PNPT1: variants seen among roughly 807,000 people sequenced by gnomAD.
PNPT1 encodes polyribonucleotide nucleotidyltransferase 1, also known as polyribonucleotide nucleotidyltransferase 1, mitochondrial.
A neutral mutation model predicts 119.5 loss-of-function variants in PNPT1; 53 were observed. The ratio of observed to expected loss-of-function variants is 0.44; its 90% CI spans 0.36 to 0.56. The LOEUF (loss-of-function observed/expected upper bound fraction) is 0.56, where lower values mean the gene tolerates loss of function less well. Among genes scored for constraint, PNPT1 ranks in the 20% least tolerant of loss-of-function variants. The pLI is 0.00. For missense variants in PNPT1, 948 were observed against 938.5 expected (o/e 1.01, Z -0.13); for synonymous variants, 357 against 322.1 (o/e 1.11, Z -1.16).
chr2:55,686,256 T>C (rs1697402593), intron 3 of PNPT1, 114 bp downstream of exon 3: 1 of 894,680 alleles, frequency 1.1e-6, no homozygotes, highest in Admixed American at 3.1e-5. Flanking sequence ...CTAGGAAAAA[T>C]TCTTTGTTGT....
At chr2:55,666,371 T>C (rs1329650888) in intron 13 of PNPT1, among the ~76,000 whole-genome samples, 2 of 152,122 alleles carry the variant, frequency 1.3e-5, no homozygotes, top group Non-Finnish European at 2.9e-5. Context: ...CAATCCTCCC[T>C]CCTGGGCCTC....
intron 13 of PNPT1, among the ~76,000 whole-genome samples, chr2:55,663,246 A>C (rs753830281): frequency 1.3e-5 from 2 of 152,180 alleles, no homozygotes; most frequent in Non-Finnish European, 2.9e-5. Flanking sequence ...ATAAGTGGAA[A>C]TTCTAGAATT....
intron 15 of PNPT1, among the ~76,000 whole-genome samples, chr2:55,658,650 C>T (rs1190585572): frequency 6.6e-6 from 1 of 152,126 alleles, no homozygotes; most frequent in Non-Finnish European, 1.5e-5. Flanking sequence ...TGCACAGCTG[C>T]CCTTTTAAGA....
chr2:55,659,814 T>C (rs565195914), intron 15 of PNPT1, among the ~76,000 whole-genome samples: 35 of 152,284 alleles, frequency 2.3e-4, no homozygotes, highest in Admixed American at 1.2e-3. Flanking sequence ...TAAAATATTA[T>C]TGGTAAAACC....
chr2:55,636,299 T>A lies in PNPT1; in HGVS notation c.2290A>T (p.Asn764Tyr). ...SPATTVVRTL[N>Y]DRSSIVMGEP... Reference sequence around the variant, plus strand: ...CCCATTACAATACTACTTCTGTCATTCAAAGTTCTGACCACGGTTGTAGCT... The same window carrying A: ...CCCATTACAATACTACTTCTGTCATACAAAGTTCTGACCACGGTTGTAGCT... Residue 764 changes from asparagine to tyrosine, a missense_variant, in exon 28 of 28, where the codon AAT becomes TAT. Physicochemically the swap from Asn to Tyr is moderately radical, Grantham distance 143. Coordinates refer to ENST00000447944, the MANE Select transcript of PNPT1 (RefSeq NM_033109.5). 6.2e-7 allele frequency: 1 copy of A among 1,613,914 alleles called. No individual in the cohort carries two copies. The highest frequency in any genetic ancestry group is 8.5e-7 in the Non-Finnish European group (1 of 1,179,878).
intron 8 of PNPT1, 43 bp downstream of exon 8, chr2:55,679,639 G>T (rs533839198): frequency 2.2e-6 from 3 of 1,364,908 alleles, no homozygotes; most frequent in Non-Finnish European, 3.1e-6. Flanking sequence ...GCCAGAACTT[G>T]TAAGTAAAAT....
chr2:55,683,008 T>C (rs972193718), intron 5 of PNPT1, among the ~76,000 whole-genome samples: 3 of 152,172 alleles, frequency 2.0e-5, no homozygotes, highest in Admixed American at 6.5e-5. Context: ...ATGAATGAAA[T>C]GGTTACTTAA....
chr2:55,672,058 G>A lies in PNPT1; in HGVS notation c.867-12C>T, dbSNP rs893031176. On this transcript the variant is annotated splice_polypyrimidine_tract_variant and intron_variant, in intron 9 of 27. Coordinates refer to ENST00000447944, the MANE Select transcript of PNPT1 (RefSeq NM_033109.5). ...TCTCCATAGCAAGTCTATTTAAGCA[G>A]AAAATAAATGTTAGCATAATAATAT... The A allele has an allele frequency of 6.4e-7, 1 of 1,567,512 alleles. No individual in the cohort carries two copies. The highest frequency in any genetic ancestry group is 1.9e-5 in the Admixed American group (1 of 53,600).
chr2:55,645,490 T>C (rs565800074), intron 21 of PNPT1, 58 bp from the exon 22 acceptor site: 13 of 1,142,416 alleles, frequency 1.1e-5, no homozygotes, highest in Non-Finnish European at 1.7e-5. Context: ...TCTGAAATAC[T>C]GTACTCTTAG....
intron 15 of PNPT1, among the ~76,000 whole-genome samples, chr2:55,659,400 T>C (rs1345638110): frequency 3.3e-5 from 5 of 152,152 alleles, no homozygotes; most frequent in Admixed American, 1.3e-4. Flanking sequence ...ACGTCTCATC[T>C]TTTACTACTA....
chr2:55,681,007 G>C, intron 5 of PNPT1, 89 bp from the exon 6 acceptor site: 1 of 1,027,470 alleles, frequency 9.7e-7, no homozygotes, highest in Non-Finnish European at 1.5e-6. Context: ...ATGGCTAAAA[G>C]CAGGGGCTTT....
At chr2:55,670,377 A>G (rs2104117631) in intron 11 of PNPT1, among the ~76,000 whole-genome samples, 1 of 151,970 alleles carries the variant, frequency 6.6e-6, no homozygotes, top group East Asian at 2.0e-4. Context: ...TAGTAGAGAC[A>G]GGGTTTCACC....
At chr2:55,670,752 G>C (rs1161027382) in intron 11 of PNPT1, among the ~76,000 whole-genome samples, 3 of 152,202 alleles carry the variant, frequency 2.0e-5, no homozygotes, top group East Asian at 1.9e-4. Context: ...AAGATACCAG[G>C]TTACATTTCT....
intron 27 of PNPT1, 66 bp downstream of exon 27, chr2:55,637,486 G>C (rs1476377856): frequency 5.6e-6 from 8 of 1,440,386 alleles, no homozygotes; most frequent in Non-Finnish European, 7.7e-6. Context: ...TCAACTTTTT[G>C]AAAAAAACAA....
At chr2:55,651,602 T>G (rs1387978206) in intron 18 of PNPT1, among the ~76,000 whole-genome samples, 1 of 151,200 alleles carries the variant, frequency 6.6e-6, no homozygotes. Flanking sequence ...TCATCACCAC[T>G]CCCTAATCTC....
chr2:55,654,072 T>C (rs536593986), intron 18 of PNPT1, among the ~76,000 whole-genome samples: 11 of 152,056 alleles, frequency 7.2e-5, no homozygotes, highest in African/African-American at 2.4e-4. Flanking sequence ...GCCTGGCCAA[T>C]ATGGTGAAAC....
chr2:55,680,631 G>A, intron 7 of PNPT1, 81 bp downstream of exon 7: 1 of 1,265,926 alleles, frequency 7.9e-7, no homozygotes, highest in Non-Finnish European at 1.1e-6. Context: ...AGAGCCATAT[G>A]CCATTGCTGT....
chr2:55,693,517 G>A, intron 1 of PNPT1, 146 bp downstream of exon 1: 2 of 1,208,718 alleles, frequency 1.7e-6, no homozygotes, highest in Non-Finnish European at 2.3e-6. Context: ...TCCAAACCCG[G>A]AAAGGGAAAT....
At chr2:55,671,964 A>G in intron 10 of PNPT1, 31 bp downstream of exon 10, 3 of 1,527,270 alleles carry the variant, frequency 2.0e-6, no homozygotes, top group Non-Finnish European at 2.7e-6. Flanking sequence ...TCCTAGGGCA[A>G]TTATGGAAGA....
Sources: allele counts gnomAD v4.1 joint callset (sites outside exome capture counted in the v4.1 genomes callset), GRCh38; gene constraint gnomAD v4.1.1; transcripts MANE v1.5; gene names NCBI Gene and HGNC (gene_info 2026-07-23, HGNC 2026-07-21).